Variants in CACNA1D observed in about 807,000 individuals in gnomAD.
CACNA1D encodes voltage-dependent L-type calcium channel subunit alpha-1D.
Under a neutral mutation model 257.1 loss-of-function variants are expected in CACNA1D, and 55 were observed. That is an observed-to-expected ratio of 0.21 (90% CI 0.17 to 0.27). The LOEUF is 0.27. Ranked by LOEUF, CACNA1D falls within the 10% of genes least tolerant of loss-of-function variation. The probability of loss-of-function intolerance (pLI) is 1.00; values close to 1 mark genes in which losing one functional copy is unlikely to be tolerated. For missense variants in CACNA1D, 1,876 were observed against 2,784.0 expected (o/e 0.67, Z 7.34); for synonymous variants, 980 against 1,014.9 (o/e 0.97, Z 0.65).
chr3:53,701,159 G>A (rs2094621812), intron 8 of CACNA1D, among the ~76,000 whole-genome samples: 1 of 147,372 alleles, frequency 6.8e-6, no homozygotes, highest in South Asian at 2.2e-4. Context: ...TTATTATTTT[G>A]GAGACAGCGT....
chr3:53,753,854 T>C (rs1039119510), intron 29 of CACNA1D, among the ~76,000 whole-genome samples, 172 bp downstream of exon 29: 8 of 152,158 alleles, frequency 5.3e-5, no homozygotes, highest in African/African-American at 1.9e-4. Context: ...TATGGGAAAA[T>C]GAATCTGCAA....
At position 53,543,364 on chromosome 3, in the gene CACNA1D, G is replaced by GAC. The variant is rs755500788; in HGVS notation, c.483+41645_483+41646insCA. ...AGTAAACCTTTTCTGTCAGGGTGAGGAGAAAGTGGGTAAAGGACTTCAGCA... is the reference window on the plus strand; with the variant it reads ...AGTAAACCTTTTCTGTCAGGGTGAGGACAGAAAGTGGGTAAAGGACTTCAGCA... On this transcript the variant is annotated intron_variant, in intron 3 of 47. Coordinates refer to ENST00000350061, the MANE Select transcript of CACNA1D (RefSeq NM_001128840.3). 7.6e-4 allele frequency among the ~76,000 whole-genome samples: 115 copies of GAC among 152,266 alleles called. No individual in the cohort carries two copies. In the Middle Eastern group the frequency reaches 0.01, roughly 14 times the overall value.
intron 32 of CACNA1D, 63 bp from the exon 33 acceptor site, chr3:53,772,770 G>A: frequency 8.1e-7 from 1 of 1,229,288 alleles, no homozygotes; most frequent in Non-Finnish European, 1.2e-6. Flanking sequence ...GTCTTCTCAG[G>A]CTGTGGCGGG....
In CACNA1D at chr3:53,498,120, C is replaced by T. The variant is rs144813391; in HGVS notation, c.377+659C>T. On this transcript the variant is annotated intron_variant, in intron 2 of 47. Transcript: ENST00000350061. Reference sequence around the variant, plus strand: ...ACAAGTTCCAAAGAAGCATTTGGAACGTGAGCATGAGGGAGCCAGTGAAGG... The same window carrying T: ...ACAAGTTCCAAAGAAGCATTTGGAATGTGAGCATGAGGGAGCCAGTGAAGG... 6.4e-3 allele frequency among the ~76,000 whole-genome samples: 975 copies of T among 152,206 alleles called. 5 individuals are homozygous for T. The highest frequency in any genetic ancestry group is 0.022 in the African/African-American group (893 of 41,518).
intron 29 of CACNA1D, among the ~76,000 whole-genome samples, chr3:53,760,083 A>C (rs944858410): frequency 6.6e-6 from 1 of 152,144 alleles, no homozygotes; most frequent in Non-Finnish European, 1.5e-5. Flanking sequence ...GTAAAATGGG[A>C]GAGAGGCACT....
chr3:53,613,942 T>C (rs1164391801), intron 3 of CACNA1D, among the ~76,000 whole-genome samples: 1 of 151,688 alleles, frequency 6.6e-6, no homozygotes, highest in Non-Finnish European at 1.5e-5. Context: ...CATAGTGGAA[T>C]TGGAGTAATG....
In CACNA1D at chr3:53,812,446, T is replaced by TATC. The variant is rs1553693602; in HGVS notation, c.*1044_*1046dup. ...AAAATATTTTGAGTCACTATAAACC[T>TATC]ATCATCTTTCCACAAGATATACCAG... On this transcript the variant is annotated 3_prime_UTR_variant, in exon 48 of 48. Transcript: ENST00000350061. 1.3e-5 allele frequency: 2 copies of TATC among 151,472 alleles called. No homozygotes were observed. The highest frequency in any genetic ancestry group is 2.4e-5 in the African/African-American group (1 of 40,818). 9.4% of individuals were successfully genotyped at this position (151,472 alleles called of 1,614,324 possible).
chr3:53,655,361 G>A (rs2094138342), intron 4 of CACNA1D, among the ~76,000 whole-genome samples: 1 of 152,132 alleles, frequency 6.6e-6, no homozygotes, highest in African/African-American at 2.4e-5. Context: ...TCAAGTGGTA[G>A]TTCTGTTGTT....
chr3:53,668,211 T>C (rs1381093785), intron 7 of CACNA1D, among the ~76,000 whole-genome samples: 1 of 152,218 alleles, frequency 6.6e-6, no homozygotes, highest in African/African-American at 2.4e-5. Flanking sequence ...ACATGGTGAA[T>C]TGTCAGCTGC....
intron 3 of CACNA1D, among the ~76,000 whole-genome samples, chr3:53,626,513 C>A (rs1027584478): frequency 6.6e-6 from 1 of 151,948 alleles, no homozygotes; most frequent in African/African-American, 2.4e-5. Flanking sequence ...TTAGGAAAAT[C>A]CCTGGAGGAG....
chr3:53,580,688 A>G (rs1277381333), intron 3 of CACNA1D, among the ~76,000 whole-genome samples: 2 of 152,152 alleles, frequency 1.3e-5, no homozygotes, highest in Non-Finnish European at 2.9e-5. Flanking sequence ...ACCATGACCT[A>G]TTTTGCTCAG....
In CACNA1D at chr3:53,723,379, C is replaced by A; in HGVS notation, c.1667-55C>A. ...GGGAGGGAGGTGTGAGGGGCACGAG[C>A]AGTCTGAGTGTCTTGCAGGAGACCC... On this transcript the variant is annotated intron_variant, in intron 12 of 47. Transcript: ENST00000350061. The surrounding 1 kb of genome is among the most constrained non-coding windows in gnomAD (Gnocchi z 5.6). 8 of 1,281,882 alleles carry A rather than the reference C, an allele frequency of 6.2e-6. No individual in the cohort carries two copies. Among genetic ancestry groups the A allele is most frequent in the Non-Finnish European group, 9.1e-6 (8 of 876,862 alleles). The allele number at this position is 1,281,882 out of a possible 1,614,324, so 79.4% of individuals were successfully genotyped here. A position where few individuals can be genotyped will look rare whatever the true frequency, so the allele number is the denominator to read the frequency against.
In CACNA1D at chr3:53,803,497, C is replaced by T. The variant is rs777163376; in HGVS notation, c.5510C>T (p.Pro1837Leu). 9 of 1,614,092 alleles carry T rather than the reference C, an allele frequency of 5.6e-6. No homozygotes were observed. Among genetic ancestry groups the T allele is most frequent in the Non-Finnish European group, 7.6e-6 (9 of 1,179,928 alleles). ...GAGATACATGGCTATTTCAGGGACCCCCACTGCTTGGGGGAGCAGGAGTAT... is the reference window on the plus strand; with the variant it reads ...GAGATACATGGCTATTTCAGGGACCTCCACTGCTTGGGGGAGCAGGAGTAT... ...DPEIHGYFRDPHCLGEQEYFS... is the reference protein window; with the variant it reads ...DPEIHGYFRDLHCLGEQEYFS... Residue 1837 changes from proline (P) to leucine (L), a missense_variant, in exon 44 of 48, where the codon CCC (proline) becomes CTC (leucine). Transcript: ENST00000350061.
intron 3 of CACNA1D, among the ~76,000 whole-genome samples, chr3:53,518,491 G>T (rs899724434): frequency 6.6e-6 from 1 of 152,150 alleles, no homozygotes; most frequent in Non-Finnish European, 1.5e-5. Context: ...CAGAGTGCTG[G>T]AGGTAGAGAC....
chr3:53,716,616 A>G (rs992786579), intron 9 of CACNA1D, among the ~76,000 whole-genome samples: 1 of 151,972 alleles, frequency 6.6e-6, no homozygotes, highest in African/African-American at 2.4e-5. Flanking sequence ...GCATGAAATA[A>G]TGAAAAAGTA....
chr3:53,671,495 A>C (rs2094322579), intron 7 of CACNA1D, among the ~76,000 whole-genome samples: 1 of 152,210 alleles, frequency 6.6e-6, no homozygotes, highest in African/African-American at 2.4e-5. Flanking sequence ...CAGTAAGTTT[A>C]GTGGTATAGT....
At chr3:53,798,952 A>T (rs1304331832) in intron 40 of CACNA1D, among the ~76,000 whole-genome samples, 1 of 152,178 alleles carries the variant, frequency 6.6e-6, no homozygotes, top group East Asian at 1.9e-4. Context: ...AGCTGCCCAC[A>T]TGCTAAGAGG....
At chr3:53,575,981 T>C (rs1238323189) in intron 3 of CACNA1D, among the ~76,000 whole-genome samples, 1 of 152,240 alleles carries the variant, frequency 6.6e-6, no homozygotes, top group Non-Finnish European at 1.5e-5. Context: ...AAAAATTAGT[T>C]ATTTTTTCCA....
intron 3 of CACNA1D, among the ~76,000 whole-genome samples, chr3:53,528,348 G>C (rs2091835200): frequency 6.6e-6 from 1 of 152,056 alleles, no homozygotes; most frequent in African/African-American, 2.4e-5. Flanking sequence ...ACATAAATTT[G>C]GTTCTGTTTC....
Sources: gnomAD v4.1 joint callset for allele counts (sites outside exome capture counted in the v4.1 genomes callset) on GRCh38, gnomAD v4.1.1 for gene constraint, Gnocchi (gnomAD v3.1) non-coding constraint, MANE v1.5 for transcripts, NCBI Gene and HGNC (gene_info 2026-07-23, HGNC 2026-07-21) for gene names.